RPTOR: variants seen among roughly 807,000 people sequenced by gnomAD.
The protein encoded by RPTOR is regulatory associated protein of MTOR complex 1, also known as regulatory-associated protein of mTOR.
RPTOR carries 21 observed loss-of-function variants against 169.9 expected under a neutral mutation model. The ratio of observed to expected loss-of-function variants is 0.12; its 90% confidence interval spans 0.09 to 0.18. RPTOR has a LOEUF of 0.18. RPTOR is among the 10% of genes least tolerant of loss of function. The pLI is 1.00. For missense variants in RPTOR, 1,133 were observed against 1,855.9 expected, an observed-to-expected ratio of 0.61 and a Z score of 7.16; for synonymous variants, 732 against 753.2, an observed-to-expected ratio of 0.97 and a Z score of 0.46.
chr17:80,951,853 G>T (rs921778852), intron 28 of RPTOR, among the ~76,000 whole-genome samples: 1 of 152,230 alleles, frequency 6.6e-6, no homozygotes, highest in Non-Finnish European at 1.5e-5. Flanking sequence ...ACCCGGGTAC[G>T]TCGGCCTATG....
chr17:80,551,301 G>A (rs909505090), intron 1 of RPTOR, among the ~76,000 whole-genome samples: 1 of 152,196 alleles, frequency 6.6e-6, no homozygotes, highest in Non-Finnish European at 1.5e-5. Flanking sequence ...ACAAAGTATA[G>A]AGAGAGAAAT....
intron 23 of RPTOR, among the ~76,000 whole-genome samples, chr17:80,924,717 G>T (rs1030536004): frequency 6.6e-6 from 1 of 152,154 alleles, no homozygotes; most frequent in African/African-American, 2.4e-5. Flanking sequence ...ATCATGGGGA[G>T]CTCCCTGTGC....
chr17:80,642,313 C>CG (rs1383850140), intron 2 of RPTOR, among the ~76,000 whole-genome samples: 1 of 151,944 alleles, frequency 6.6e-6, no homozygotes, highest in East Asian at 1.9e-4. Flanking sequence ...TCAGAAGAGA[C>CG]GGAGTTTCAT....
intron 25 of RPTOR, among the ~76,000 whole-genome samples, chr17:80,945,331 G>C (rs17848711): frequency 6.6e-6 from 1 of 151,814 alleles, no homozygotes; most frequent in Non-Finnish European, 1.5e-5. Context: ...GGTGGCTCAC[G>C]CCTGTAATCC....
Position 80,685,627 on chromosome 17 carries a change from A to ATTTTTT in RPTOR, c.349-22189_349-22184dup, listed in dbSNP as rs1165540456. 7.5e-4 allele frequency among the ~76,000 whole-genome samples: 23 copies of ATTTTTT among 30,670 alleles called. 1 individual carries two copies. The highest frequency in any genetic ancestry group is 1.6e-3 in the Admixed American group (3 of 1,888). The allele number at this position is 30,670 out of a possible 152,430, so 20.1% of individuals were successfully genotyped here. Reference sequence around the variant, plus strand: ...CATATATATATATATATATATATATATTTTTTTTTTTTTTTTTTTTTTTTT... The same window carrying ATTTTTT: ...CATATATATATATATATATATATATATTTTTTTTTTTTTTTTTTTTTTTTTTTTTTT... On this transcript the variant is annotated intron_variant, in intron 3 of 33. Transcript: ENST00000306801.
intron 21 of RPTOR, among the ~76,000 whole-genome samples, chr17:80,916,541 G>A (rs556387051): frequency 6.6e-5 from 10 of 152,340 alleles, no homozygotes; most frequent in Admixed American, 2.6e-4. Flanking sequence ...TGAGCCAAGC[G>A]CAGCCTGCCA....
intron 4 of RPTOR, among the ~76,000 whole-genome samples, chr17:80,715,514 G>A (rs1000614985): frequency 6.6e-6 from 1 of 151,642 alleles, no homozygotes; most frequent in African/African-American, 2.4e-5. Context: ...GATAGTGTCT[G>A]TTACCCTAGC....
intron 12 of RPTOR, among the ~76,000 whole-genome samples, chr17:80,855,810 T>C (rs1003832843): frequency 3.3e-5 from 5 of 151,666 alleles, no homozygotes; most frequent in Non-Finnish European, 7.4e-5. Context: ...GACATAGGAG[T>C]GAGTGTGTTG....
intron 6 of RPTOR, among the ~76,000 whole-genome samples, chr17:80,757,022 A>G (rs1421719403): frequency 6.6e-6 from 1 of 152,122 alleles, no homozygotes; most frequent in Non-Finnish European, 1.5e-5. Context: ...CAGGAGAGAC[A>G]CTGCTGGAGC....
rs375251191 is a variant in RPTOR at position 80,744,216 on chromosome 17, G to A, written c.655-9794G>A. Among the ~76,000 whole-genome samples the A allele has an allele frequency of 6.5e-4, 60 of 92,732 alleles. 8 individuals are homozygous for A. Among genetic ancestry groups the A allele is most frequent in the Non-Finnish European group, 6.8e-4 (30 of 44,212 alleles). The allele number at this position is 92,732 out of a possible 152,430, so 60.8% of individuals were successfully genotyped here. A position where few individuals can be genotyped will look rare whatever the true frequency, so the allele number is the denominator to read the frequency against. The stretch of plus-strand genomic sequence containing the variant: ...TAGCACAGCCCTGGTTACTAGCACT[G>A]TCCTGGCTACTAGCACAGCCCTGGT... On this transcript the variant is annotated intron_variant, in intron 5 of 33. Transcript: ENST00000306801.
At position 80,860,839 on chromosome 17, in the gene RPTOR, G is replaced by T. The variant is rs1273120734; in HGVS notation, c.1509+2939G>T. 6.6e-6 allele frequency among the ~76,000 whole-genome samples: 1 copy of T among 152,006 alleles called. No individual in the cohort carries two copies. The highest frequency in any genetic ancestry group is 2.4e-5 in the African/African-American group (1 of 41,374). On this transcript the variant is annotated intron_variant, in intron 13 of 33. Transcript: ENST00000306801. This position sits in a 1 kb window ranked among gnomAD's most constrained non-coding sequence, Gnocchi z 5.8. ...TTCTGGGCCTGGGGCACTGACCATG[G>T]CTCTGCTGGCACGGGTCGGCTACCG...
chr17:80,641,521 G>T (rs1251887268), intron 2 of RPTOR, among the ~76,000 whole-genome samples: 1 of 152,098 alleles, frequency 6.6e-6, no homozygotes, highest in African/African-American at 2.4e-5. Context: ...ATTAAATAAT[G>T]CCAAAAACTA....
intron 8 of RPTOR, 146 bp downstream of exon 8, chr17:80,822,447 G>A (rs534236607): frequency 2.8e-5 from 22 of 783,148 alleles, no homozygotes; most frequent in Middle Eastern, 3.4e-4. Context: ...AGTAGAAGGC[G>A]ACCACCTAAG....
rs1305254258 is a variant in RPTOR at position 80,962,842 on chromosome 17, C to A, written c.3810-86C>A. On this transcript the variant is annotated intron_variant, in intron 32 of 33. Coordinates refer to ENST00000306801, the MANE Select transcript of RPTOR (RefSeq NM_020761.3). ...CAGCCTGTCCCCGTGGTCTAGCCGG[C>A]CTGTCCCCGCGGTCTCGGCATCTGC... 8 of 1,581,092 alleles carry A rather than the reference C, an allele frequency of 5.1e-6. 1 individual carries two copies. The South Asian group carries it at 5.8e-5, about 11-fold the overall frequency.
intron 13 of RPTOR, among the ~76,000 whole-genome samples, chr17:80,867,391 A>AAT (rs2068005340): frequency 6.6e-6 from 1 of 151,832 alleles, no homozygotes; most frequent in African/African-American, 2.4e-5. Context: ...GCAGACTCCT[A>AAT]ATAGAAGGGA....
chr17:80,899,992 A>G (rs1179052987), intron 20 of RPTOR, among the ~76,000 whole-genome samples: 1 of 152,148 alleles, frequency 6.6e-6, no homozygotes, highest in African/African-American at 2.4e-5. Flanking sequence ...CCCACTGTGC[A>G]TGCTGGGGCA....
rs150072739 is a variant in RPTOR at position 80,615,100 on chromosome 17, C to G, written c.163-10591C>G. On this transcript the variant is annotated intron_variant, in intron 1 of 33. Transcript: ENST00000306801. ...AGCCATTCGGAGAAAATATCTGAGTCTGTTCCCGCCAGGTTAAATAGAAAG... is the reference window on the plus strand; with the variant it reads ...AGCCATTCGGAGAAAATATCTGAGTGTGTTCCCGCCAGGTTAAATAGAAAG... Among the ~76,000 whole-genome samples, 1,263 of 152,272 alleles carry G rather than the reference C, an allele frequency of 8.3e-3. 15 individuals carry two copies. Among genetic ancestry groups the G allele is most frequent in the African/African-American group, 0.029 (1,207 of 41,550 alleles).
intron 6 of RPTOR, among the ~76,000 whole-genome samples, chr17:80,762,382 G>A (rs1005828229): frequency 6.6e-6 from 1 of 152,190 alleles, no homozygotes; most frequent in Admixed American, 6.5e-5. Context: ...GGGGTGAGGG[G>A]TGAGGCCGGA....
Position 80,798,848 on chromosome 17 carries a change from C to A in RPTOR, c.890+7339C>A, listed in dbSNP as rs938735902. Among the ~76,000 whole-genome samples the A allele has an allele frequency of 1.3e-5, 2 of 152,310 alleles. 1 individual carries two copies. The highest frequency in any genetic ancestry group is 2.9e-5 in the Non-Finnish European group (2 of 68,030). ...GTTTGTGCATTATTGGCAGAGCTGT[C>A]AGTGGGTGCTGGGTGAGAGCCACAC... On this transcript the variant is annotated intron_variant, in intron 7 of 33. Coordinates refer to ENST00000306801, the MANE Select transcript of RPTOR (RefSeq NM_020761.3).
Sources: allele counts gnomAD v4.1 joint callset (sites outside exome capture counted in the v4.1 genomes callset), GRCh38; gene constraint gnomAD v4.1.1; non-coding constraint Gnocchi (gnomAD v3.1); transcripts MANE v1.5; gene names NCBI Gene and HGNC (gene_info 2026-07-23, HGNC 2026-07-21).